Variants in PLCG2 observed in about 807,000 individuals in gnomAD.
PLCG2 encodes the protein 1-phosphatidylinositol 4,5-bisphosphate phosphodiesterase gamma-2.
A neutral mutation model predicts 175.6 loss-of-function variants in PLCG2; 69 were observed. The ratio of observed to expected loss-of-function variants is 0.39; its 90% CI spans 0.32 to 0.48. The LOEUF is 0.48. Among genes scored for constraint, PLCG2 ranks in the 20% least tolerant of loss-of-function variants. The pLI is 0.91. For synonymous variants in PLCG2, 827 were observed against 624.0 expected (o/e 1.33, Z -4.85); for missense variants, 1,798 against 1,650.9 (o/e 1.09, Z -1.54).
chr16:81,951,470 C>G (rs1237865996), intron 31 of PLCG2, among the ~76,000 whole-genome samples: 1 of 150,876 alleles, frequency 6.6e-6, no homozygotes, highest in African/African-American at 2.4e-5. Flanking sequence ...GGTTTAGGAT[C>G]TAGATGGTTT....
intron 13 of PLCG2, among the ~76,000 whole-genome samples, chr16:81,896,582 G>GA (rs113725270): frequency 2.4e-4 from 36 of 151,388 alleles, no homozygotes; most frequent in African/African-American, 7.8e-4. Context: ...TGTCTCAAAG[G>GA]AAAAAAACCC....
Position 81,825,283 on chromosome 16 carries a change from ATTTT to A in PLCG2, c.194-29141_194-29138del, listed in dbSNP as rs577002663. 5.2e-3 allele frequency among the ~76,000 whole-genome samples: 601 copies of A among 115,838 alleles called. 3 individuals carry two copies. The highest frequency in any genetic ancestry group is 0.019 in the African/African-American group (570 of 29,366). The allele number at this position is 115,838 out of a possible 152,430, so 76.0% of individuals were successfully genotyped here. A position where few individuals can be genotyped will look rare whatever the true frequency, so the allele number is the denominator to read the frequency against. Reference sequence around the variant, plus strand: ...AAATTAGATCTGAAGAGATGCTCTAATTTTTTTTTTTTTTTTTTTTTTTGAGACA... The same window carrying A: ...AAATTAGATCTGAAGAGATGCTCTAATTTTTTTTTTTTTTTTTTTGAGACA... On this transcript the variant is annotated intron_variant, in intron 2 of 32. Transcript: ENST00000564138.
At chr16:81,753,631 T>C (rs1352032716) in intron 1 of PLCG2, among the ~76,000 whole-genome samples, 2 of 152,168 alleles carry the variant, frequency 1.3e-5, no homozygotes, top group Admixed American at 1.3e-4. Flanking sequence ...TTGGCCAGGC[T>C]GACCTGGCCT....
At chr16:81,822,002 T>A (rs146584498) in intron 2 of PLCG2, among the ~76,000 whole-genome samples, 1 of 152,176 alleles carries the variant, frequency 6.6e-6, no homozygotes, top group African/African-American at 2.4e-5. Flanking sequence ...TCTTTTCCTG[T>A]GTTAACTAGG....
Position 81,812,005 on chromosome 16 carries a change from A to T in PLCG2, c.193+25823A>T, listed in dbSNP as rs193170427. ...CTACCAACAGTGTAAAAGCATTCCT[A>T]TTTCTCTACATCCTCTCCAGCATCT... On this transcript the variant is annotated intron_variant, in intron 2 of 32. Coordinates refer to ENST00000564138, the MANE Select transcript of PLCG2 (RefSeq NM_002661.5). Among the ~76,000 whole-genome samples, 433 of 119,000 alleles carry T rather than the reference A, an allele frequency of 3.6e-3. 2 individuals are homozygous for T. Among genetic ancestry groups the T allele is most frequent in the African/African-American group, 0.013 (401 of 30,636 alleles). 78.1% of individuals were successfully genotyped at this position (119,000 alleles called of 152,430 possible). A position where few individuals can be genotyped will look rare whatever the true frequency, so the allele number is the denominator to read the frequency against.
rs115502796 is a variant in PLCG2 at position 81,923,154 on chromosome 16, A to G, written c.2308-331A>G. 7.6e-3 allele frequency among the ~76,000 whole-genome samples: 1,164 copies of G among 152,254 alleles called. 7 individuals are homozygous for G. Among genetic ancestry groups the G allele is most frequent in the African/African-American group, 0.027 (1,104 of 41,524 alleles). On this transcript the variant is annotated intron_variant, in intron 21 of 32. Transcript: ENST00000564138. Reference sequence around the variant, plus strand: ...GGAAATTGAGCAATATTGTGTCACTACAATATAGGGTCACTCCCACCCTAA... The same window carrying G: ...GGAAATTGAGCAATATTGTGTCACTGCAATATAGGGTCACTCCCACCCTAA...
intron 28 of PLCG2, 122 bp from the exon 29 acceptor site, chr16:81,938,679 C>G (rs1370993912): frequency 4.8e-6 from 3 of 620,792 alleles, no homozygotes; most frequent in East Asian, 2.7e-5. Context: ...TCCAGTGAAT[C>G]TAGGAAAATT....
intron 2 of PLCG2, among the ~76,000 whole-genome samples, chr16:81,806,334 T>C (rs1912021231): frequency 6.6e-6 from 1 of 151,994 alleles, no homozygotes; most frequent in African/African-American, 2.4e-5. Flanking sequence ...GTGCTCCCTG[T>C]GTGTGTGATC....
chr16:81,852,311 C>T (rs1422749001), intron 2 of PLCG2, among the ~76,000 whole-genome samples: 2 of 152,158 alleles, frequency 1.3e-5, no homozygotes, highest in East Asian at 3.9e-4. Flanking sequence ...CCGAACCAGT[C>T]ACTGAGCCAG....
At chr16:81,794,144 A>G (rs1209944346) in intron 2 of PLCG2, among the ~76,000 whole-genome samples, 2 of 152,120 alleles carry the variant, frequency 1.3e-5, no homozygotes, top group Non-Finnish European at 1.5e-5. Flanking sequence ...GAGGCGCCGG[A>G]TTTGTGGGGA....
chr16:81,920,509 G>A (rs749825331), intron 20 of PLCG2, among the ~76,000 whole-genome samples: 1 of 152,198 alleles, frequency 6.6e-6, no homozygotes, highest in Non-Finnish European at 1.5e-5. Context: ...TTAGGCTGTG[G>A]GAGTGGAGAT....
chr16:81,853,561 C>A (rs559564889), intron 2 of PLCG2, among the ~76,000 whole-genome samples: 36 of 152,296 alleles, frequency 2.4e-4, no homozygotes, highest in African/African-American at 8.7e-4. Context: ...ACCTGGATCC[C>A]TCGCATGCGT....
chr16:81,800,272 G>T (rs1388158873), intron 2 of PLCG2, among the ~76,000 whole-genome samples: 1 of 152,108 alleles, frequency 6.6e-6, no homozygotes, highest in Non-Finnish European at 1.5e-5. Context: ...ATAGGTAAGC[G>T]TTTGCCATCG....
At chr16:81,943,936 C>T (rs1455730750) in intron 30 of PLCG2, among the ~76,000 whole-genome samples, 1 of 152,132 alleles carries the variant, frequency 6.6e-6, no homozygotes, top group African/African-American at 2.4e-5. Flanking sequence ...TGGATGCTCT[C>T]AAACATGCAC....
intron 2 of PLCG2, among the ~76,000 whole-genome samples, chr16:81,818,081 CT>C (rs1236886919): frequency 6.6e-6 from 1 of 152,232 alleles, no homozygotes; most frequent in Non-Finnish European, 1.5e-5. Context: ...CTCGTGTCCC[CT>C]GATCTGTGAA....
chr16:81,870,788 T>A, intron 6 of PLCG2, 64 bp from the exon 7 acceptor site: 1 of 826,096 alleles, frequency 1.2e-6, no homozygotes, highest in Non-Finnish European at 2.0e-6. Context: ...ATTCTATAAA[T>A]AGCATGGAGC....
At position 81,750,493 on chromosome 16, in the gene PLCG2, A is replaced by T. The variant is rs76387099; in HGVS notation, c.-144-5377A>T. Among the ~76,000 whole-genome samples the T allele has an allele frequency of 2.4e-3, 359 of 151,744 alleles. 3 individuals are homozygous for T. Among genetic ancestry groups the T allele is most frequent in the African/African-American group, 8.4e-3 (347 of 41,368 alleles). On this transcript the variant is annotated intron_variant, in intron 1 of 5. Coordinates refer to the PLCG2 transcript ENST00000565054. ...ATATTTACCCAAAAGATTTGAAATC[A>T]GTTTGTTGAAAGATGTCTGCACTGT...
intron 2 of PLCG2, among the ~76,000 whole-genome samples, chr16:81,788,200 C>T (rs73587678): frequency 7.5e-4 from 114 of 152,222 alleles, no homozygotes; most frequent in African/African-American, 2.5e-3. Context: ...AAAGGGTGAT[C>T]GTTGCATTAT....
intron 22 of PLCG2, among the ~76,000 whole-genome samples, chr16:81,926,239 G>A (rs1040826909): frequency 1.3e-5 from 2 of 152,202 alleles, no homozygotes; most frequent in African/African-American, 2.4e-5. Flanking sequence ...ACTGTGCTGG[G>A]CCGTGGCTGC....
Sources: gnomAD v4.1 joint callset for allele counts (sites outside exome capture counted in the v4.1 genomes callset) on GRCh38, gnomAD v4.1.1 for gene constraint, MANE v1.5 for transcripts, NCBI Gene and HGNC (gene_info 2026-07-23, HGNC 2026-07-21) for gene names.